Variants in PTPA observed in about 807,000 individuals in gnomAD.
PTPA encodes the protein protein phosphatase 2 phosphatase activator, also known as serine/threonine-protein phosphatase 2A activator.
A neutral mutation model predicts 43.6 loss-of-function variants in PTPA; 13 were observed. The ratio of observed to expected loss-of-function variants is 0.30; its 90% CI spans 0.19 to 0.47. The LOEUF is 0.47. Ranked by LOEUF, PTPA falls within the 20% of genes least tolerant of loss-of-function variation. The pLI, the probability that PTPA is intolerant of heterozygous loss-of-function variation, is 0.99. For synonymous variants in PTPA, 172 were observed against 158.2 expected (o/e 1.09, Z -0.66); for missense variants, 329 against 411.9 (o/e 0.80, Z 1.74).
At chr9:129,136,216 C>T (rs1280138452) in intron 6 of PTPA, among the ~76,000 whole-genome samples, 1 of 152,180 alleles carries the variant, frequency 6.6e-6, no homozygotes, top group Admixed American at 6.5e-5. Context: ...ATCCGCCTGC[C>T]TCGGCCTCCC....
Position 129,123,111 on chromosome 9 carries a change from G to A in PTPA, c.189G>A (p.Lys63=), listed in dbSNP as rs1437513559. 8 of 1,612,026 alleles carry A rather than the reference G, an allele frequency of 5.0e-6. No homozygotes were observed. The highest frequency in any genetic ancestry group is 1.7e-5 in the Admixed American group (1 of 60,006). The change falls in exon 3 of 10, where the codon AAG becomes AAA. Residue 63 remains lysine (K), a synonymous_variant. Coordinates refer to ENST00000393370, the MANE Select transcript of PTPA (RefSeq NM_178000.3). ...LTLNEGVKGK[K]LTFEYRVSEA... ...TCAACGAAGGTGTGAAGGGGAAGAA[G>A]CTGACCTTCGAGTACAGAGTCTCCG...
Position 129,127,877 on chromosome 9 carries a change from T to C in PTPA, c.217-1108T>C, listed in dbSNP as rs909265286. 42 of 896,180 alleles carry C rather than the reference T, an allele frequency of 4.7e-5. 2 individuals carry two copies. The South Asian group carries it at 5.3e-4, about 11-fold the overall frequency. 55.5% of individuals were successfully genotyped at this position (896,180 alleles called of 1,614,324 possible). On this transcript the variant is annotated intron_variant, in intron 3 of 9. Transcript: ENST00000393370. The stretch of plus-strand genomic sequence containing the variant: ...TGGAAATAACCCAAACATTTAACAG[T>C]GAGGAATTAAATTAATTATAATGCA...
chr9:129,140,886 G>C (rs1850756702), intron 8 of PTPA, among the ~76,000 whole-genome samples: 1 of 152,168 alleles, frequency 6.6e-6, no homozygotes, highest in African/African-American at 2.4e-5. Context: ...GCCCCTGTAG[G>C]CTCGGGGTGC....
upstream of PTPA, chr9:129,111,098 A>G: frequency 2.2e-6 from 3 of 1,350,644 alleles, no homozygotes; most frequent in Non-Finnish European, 3.0e-6. Flanking sequence ...GTGATAGGAA[A>G]ACACAACCAT....
intron 9 of PTPA, chr9:129,143,554 G>T (rs537904148): frequency 1.1e-5 from 7 of 660,524 alleles, no homozygotes; most frequent in Admixed American, 4.5e-5. Flanking sequence ...CCAGCGGGGT[G>T]GGGGAGCACA....
intron 2 of PTPA, among the ~76,000 whole-genome samples, chr9:129,121,061 C>T (rs1849221433): frequency 6.6e-6 from 1 of 152,222 alleles, no homozygotes; most frequent in Admixed American, 6.5e-5. Flanking sequence ...GGACCCAGAG[C>T]ACTGGGCACA....
chr9:129,123,013 A>C lies in PTPA; in HGVS notation c.130-39A>C, dbSNP rs765383011. The stretch of plus-strand genomic sequence containing the variant: ...GGCAGGTGGGGCGGGGGGGTCTGCC[A>C]CCCCTCTCCCCATCCCCATTCTCCT... On this transcript the variant is annotated intron_variant, in intron 2 of 9. Transcript: ENST00000393370. 2.0e-6 allele frequency: 3 copies of C among 1,508,794 alleles called. No individual in the cohort carries two copies. The South Asian group carries it at 3.5e-5, about 17-fold the overall frequency. 93.5% of individuals were successfully genotyped at this position (1,508,794 alleles called of 1,614,324 possible). A position where few individuals can be genotyped will look rare whatever the true frequency, so the allele number is the denominator to read the frequency against.
intron 4 of PTPA, among the ~76,000 whole-genome samples, chr9:129,130,251 C>T (rs1849868127): frequency 6.6e-6 from 1 of 152,184 alleles, no homozygotes; most frequent in Non-Finnish European, 1.5e-5. Flanking sequence ...GGAGATGGCT[C>T]ATGCCAGTTG....
chr9:129,142,674 A>G, intron 9 of PTPA, 122 bp downstream of exon 9: 1 of 1,549,440 alleles, frequency 6.5e-7, no homozygotes. Flanking sequence ...TTTGCTCTGA[A>G]TCTTAGGCCA....
At chr9:129,120,435 A>G in intron 1 of PTPA, 78 bp from the exon 2 acceptor site, 1 of 981,718 alleles carries the variant, frequency 1.0e-6, no homozygotes. Context: ...AAGAAAAAAA[A>G]AAAAGGTGAA....
chr9:129,111,752 G>A (rs1015834718), intron 1 of PTPA, 121 bp downstream of exon 1: 1 of 1,236,732 alleles, frequency 8.1e-7, no homozygotes, highest in Non-Finnish European at 1.0e-6. Flanking sequence ...AAGCTGAGGG[G>A]CCCCGAGGAG....
At chr9:129,142,272 T>G (rs1850916648) in intron 8 of PTPA, 173 bp from the exon 9 acceptor site, 1 of 526,876 alleles carries the variant, frequency 1.9e-6, no homozygotes, top group East Asian at 3.2e-5. Flanking sequence ...TTTGTATGTT[T>G]GCCCCTCAGG....
intron 4 of PTPA, among the ~76,000 whole-genome samples, 170 bp from the exon 5 acceptor site, chr9:129,131,352 G>A (rs112020891): frequency 1.0e-3 from 154 of 152,362 alleles, no homozygotes; most frequent in African/African-American, 3.6e-3. Context: ...GTCTTCTGCT[G>A]TGGAAGAATA....
rs1483111807 is a variant in PTPA at position 129,120,587 on chromosome 9, A to T, written c.106A>T (p.Met36Leu). 2.2e-5 allele frequency: 35 copies of T among 1,613,384 alleles called. No homozygotes were observed. Among genetic ancestry groups the T allele is most frequent in the Non-Finnish European group, 3.0e-5 (35 of 1,179,482 alleles). Reference protein sequence around the residue: ...PKKEIHTVPDMGKWKRSQAYA... With the variant: ...PKKEIHTVPDLGKWKRSQAYA... Reference sequence around the variant, plus strand: ...AAAGGAGATCCACACAGTTCCAGACATGGGCAAATGGAAGCGTTCTCAGGT... The same window carrying T: ...AAAGGAGATCCACACAGTTCCAGACTTGGGCAAATGGAAGCGTTCTCAGGT... The change falls in exon 2 of 10, where the codon ATG becomes TTG. Residue 36 changes from methionine (M) to leucine (L), a missense_variant. By Grantham distance (15) the Met-to-Leu change is conservative. Transcript: ENST00000393370.
At chr9:129,131,492 G>C (rs1487729879) in intron 4 of PTPA, 30 bp from the exon 5 acceptor site, 1 of 1,602,062 alleles carries the variant, frequency 6.2e-7, no homozygotes, top group Admixed American at 1.7e-5. Flanking sequence ...TTAATATGCT[G>C]CCACCACTTT....
At chr9:129,143,426 T>A (rs756162196) in intron 9 of PTPA, 10 of 702,838 alleles carry the variant, frequency 1.4e-5, no homozygotes, top group Non-Finnish European at 2.3e-5. Flanking sequence ...GTGGGCACCA[T>A]CTCTTGACTC....
At chr9:129,142,827 G>C in intron 9 of PTPA, 1 of 1,533,284 alleles carries the variant, frequency 6.5e-7, no homozygotes, top group Non-Finnish European at 8.7e-7. Flanking sequence ...TGCTGCATGG[G>C]GAGTGGGGGC....
chr9:129,128,218 G>C (rs1298943606), intron 3 of PTPA: 2 of 416,742 alleles, frequency 4.8e-6, no homozygotes, highest in Non-Finnish European at 9.2e-6. Context: ...ACTATGAGAA[G>C]ATAACACAGA....
At chr9:129,117,258 G>C (rs1220949854) in intron 1 of PTPA, among the ~76,000 whole-genome samples, 1 of 152,028 alleles carries the variant, frequency 6.6e-6, no homozygotes, top group Admixed American at 6.6e-5. Flanking sequence ...TGTGGTCCAG[G>C]CTGGTTTCAA....
Sources: allele counts gnomAD v4.1 joint callset (sites outside exome capture counted in the v4.1 genomes callset), GRCh38; gene constraint gnomAD v4.1.1; transcripts MANE v1.5; gene names NCBI Gene and HGNC (gene_info 2026-07-23, HGNC 2026-07-21).